Variants in TRIM33 observed in about 807,000 individuals in gnomAD.
TRIM33 encodes tripartite motif containing 33.
TRIM33 carries 20 observed loss-of-function variants against 125.4 expected under a neutral mutation model. That is an observed-to-expected ratio of 0.16 (90% confidence interval 0.11 to 0.23). The LOEUF is 0.23. TRIM33 is among the 10% of genes least tolerant of loss of function. TRIM33 has a pLI of 1.00. For missense variants in TRIM33, 920 were observed against 1,411.4 expected (o/e 0.65, Z 5.58); for synonymous variants, 564 against 513.9 (o/e 1.10, Z -1.32).
At chr1:114,401,197 C>T (rs548334456) in intron 17 of TRIM33, among the ~76,000 whole-genome samples, 192 bp downstream of exon 17, 3 of 152,142 alleles carry the variant, frequency 2.0e-5, no homozygotes, top group East Asian at 1.9e-4. Context: ...CCACCGTGCC[C>T]GGCTAGTTTT....
At chr1:114,434,865 T>C (rs1648181768) in intron 4 of TRIM33, among the ~76,000 whole-genome samples, 1 of 152,154 alleles carries the variant, frequency 6.6e-6, no homozygotes, top group African/African-American at 2.4e-5. Context: ...CATCTTATGC[T>C]AGGTACAGAG....
intron 1 of TRIM33, chr1:114,469,279 G>T: frequency 5.0e-6 from 1 of 201,928 alleles, no homozygotes; most frequent in South Asian, 1.1e-4. Context: ...TGCCAAAGCT[G>T]ACTAATTTGC....
chr1:114,451,526 T>A (rs1228406933), intron 4 of TRIM33, among the ~76,000 whole-genome samples: 1 of 152,168 alleles, frequency 6.6e-6, no homozygotes, highest in Non-Finnish European at 1.5e-5. Context: ...AGAAACCTAG[T>A]AATGTTCTCA....
chr1:114,441,241 A>G (rs892624770), intron 4 of TRIM33, among the ~76,000 whole-genome samples: 4 of 152,194 alleles, frequency 2.6e-5, no homozygotes, highest in Admixed American at 2.6e-4. Flanking sequence ...GGCTGCAGTG[A>G]GCTATGACCA....
intron 1 of TRIM33, among the ~76,000 whole-genome samples, chr1:114,488,459 T>C (rs1045699102): frequency 3.9e-5 from 6 of 152,168 alleles, no homozygotes; most frequent in African/African-American, 1.2e-4. Flanking sequence ...CACAATAATG[T>C]AAGTACATTA....
At chr1:114,432,508 C>T (rs1469690436) in intron 5 of TRIM33, among the ~76,000 whole-genome samples, 4 of 152,098 alleles carry the variant, frequency 2.6e-5, no homozygotes, top group African/African-American at 4.8e-5. Context: ...AAGTTCTGGC[C>T]GGGCACAGTG....
In TRIM33 at chr1:114,397,026, C is replaced by A. The variant is rs1651573028; in HGVS notation, c.*622G>T. On this transcript the variant is annotated 3_prime_UTR_variant, in exon 20 of 20. Coordinates refer to ENST00000358465, the MANE Select transcript of TRIM33 (RefSeq NM_015906.4). The stretch of plus-strand genomic sequence containing the variant: ...ATAACTAGTGGTAGTGTTTCCTAAA[C>A]CCTAAGTATGAGTAGAAAATAAAAC... 1 of 219,294 alleles carries A rather than the reference C, an allele frequency of 4.6e-6. No individual in the cohort carries two copies. Among genetic ancestry groups the A allele is most frequent in the Non-Finnish European group, 9.1e-6 (1 of 109,290 alleles). The allele number at this position is 219,294 out of a possible 1,614,324, so 13.6% of individuals were successfully genotyped here.
Position 114,511,110 on chromosome 1 carries a change from G to A in TRIM33, c.-34C>T. 13 of 1,132,618 alleles carry A rather than the reference G, an allele frequency of 1.1e-5. No homozygotes were observed. The highest frequency in any genetic ancestry group is 1.3e-5 in the Non-Finnish European group (12 of 928,060). The allele number at this position is 1,132,618 out of a possible 1,614,324, so 70.2% of individuals were successfully genotyped here. On this transcript the variant is annotated 5_prime_UTR_variant, in exon 1 of 20. Transcript: ENST00000358465. ...CTTTGAACCCGCCGGACCGCCCCGC[G>A]CCGCCCGCCGCCCGCGTCGCCGCCG... is the stretch of plus-strand genomic sequence containing the variant.
chr1:114,421,767 G>A lies in TRIM33; in HGVS notation c.1861-131C>T, dbSNP rs1488215424. ...AGTGGGCCCTTTCAAACTTATTCAG[G>A]AGAAGAACAGTTCAAACTCAGCCTT... On this transcript the variant is annotated intron_variant, in intron 10 of 19. Coordinates refer to ENST00000358465, the MANE Select transcript of TRIM33 (RefSeq NM_015906.4). 3.7e-6 allele frequency: 3 copies of A among 811,048 alleles called. No individual in the cohort carries two copies. In the African/African-American group the frequency reaches 5.2e-5, roughly 14 times the overall value. The allele number at this position is 811,048 out of a possible 1,614,324, so 50.2% of individuals were successfully genotyped here.
chr1:114,445,832 C>A (rs912743555), intron 4 of TRIM33, among the ~76,000 whole-genome samples: 3 of 152,064 alleles, frequency 2.0e-5, no homozygotes, highest in African/African-American at 7.2e-5. Context: ...AATTCTAGAG[C>A]AAATTATCCT....
intron 1 of TRIM33, among the ~76,000 whole-genome samples, chr1:114,500,506 A>G (rs1652645014): frequency 6.6e-6 from 1 of 152,074 alleles, no homozygotes; most frequent in Non-Finnish European, 1.5e-5. Flanking sequence ...ACACAGCTTA[A>G]TAAGTTTTTA....
At chr1:114,496,755 A>C (rs1401966560) in intron 1 of TRIM33, among the ~76,000 whole-genome samples, 2 of 152,220 alleles carry the variant, frequency 1.3e-5, no homozygotes. Context: ...TTGGCTAATG[A>C]ATGAGCCACT....
In TRIM33 at chr1:114,510,745, G is replaced by T; in HGVS notation, c.332C>A (p.Ala111Glu). Residue 111 changes from alanine (A) to glutamate (E), a missense_variant, in exon 1 of 20, where the codon GCA becomes GAA. By Grantham distance (107) the Ala-to-Glu change is moderately radical. This residue lies in a region of TRIM33 where 233 missense variants were observed against 189.6 expected (regional missense o/e 1.23). Transcript: ENST00000358465. ...GGCTGGCGGTCCAGGAGGCGGCCCT[G>T]CCGAGGGACCCGGAGCGGGAGCCGA... ...PASAPAPGPS[A>E]GPPPGPPASL... is the part of the protein sequence containing the mutation. The T allele has an allele frequency of 6.6e-7, 1 of 1,525,416 alleles. No homozygotes were observed. The highest frequency in any genetic ancestry group is 1.4e-5 in the African/African-American group (1 of 72,060). The allele number at this position is 1,525,416 out of a possible 1,614,324, so 94.5% of individuals were successfully genotyped here.
At chr1:114,508,759 A>G (rs1327658123) in intron 1 of TRIM33, among the ~76,000 whole-genome samples, 1 of 152,180 alleles carries the variant, frequency 6.6e-6, no homozygotes, top group African/African-American at 2.4e-5. Context: ...CATAGCCACT[A>G]TTAGTTACTA....
At chr1:114,497,287 T>G (rs1311388320) in intron 1 of TRIM33, among the ~76,000 whole-genome samples, 1 of 152,170 alleles carries the variant, frequency 6.6e-6, no homozygotes, top group East Asian at 1.9e-4. Flanking sequence ...TAAACACAAA[T>G]TTACACTTAA....
chr1:114,445,489 C>T (rs977412160), intron 4 of TRIM33, among the ~76,000 whole-genome samples: 5 of 152,298 alleles, frequency 3.3e-5, no homozygotes, highest in Admixed American at 3.3e-4. Flanking sequence ...GATCCTCTCA[C>T]CTCAGCATCC....
intron 1 of TRIM33, among the ~76,000 whole-genome samples, chr1:114,466,591 G>A (rs530422385): frequency 2.0e-5 from 3 of 152,244 alleles, no homozygotes; most frequent in East Asian, 1.9e-4. Context: ...TGGGGGCTGC[G>A]TGGCAATGAG....
At chr1:114,476,856 C>A (rs1470710315) in intron 1 of TRIM33, among the ~76,000 whole-genome samples, 2 of 151,908 alleles carry the variant, frequency 1.3e-5, no homozygotes, top group African/African-American at 4.8e-5. Context: ...AAAAAAAATA[C>A]AAAATCCAGA....
rs1383176605 is a variant in TRIM33 at position 114,410,231 on chromosome 1, G to A, written c.2147C>T (p.Thr716Ile). Residue 716 changes from threonine (T) to isoleucine (I), a missense_variant, in exon 12 of 20, where the codon ACC becomes ATC. Transcript: ENST00000358465. ...AGAGGGACCTGGAGAAGGATTCATG[G>A]TGCTTGTAGGCTGTGGGGGTAGGTG... is the stretch of plus-strand genomic sequence containing the variant. ...GSHLPPQPTSTMNPSPGPSAL... is the reference protein window; with the variant it reads ...GSHLPPQPTSIMNPSPGPSAL... The A allele has an allele frequency of 1.2e-6, 2 of 1,614,056 alleles. No individual in the cohort carries two copies. Among genetic ancestry groups the A allele is most frequent in the South Asian group, 1.1e-5 (1 of 91,076 alleles).
Sources: gnomAD v4.1 joint callset for allele counts (sites outside exome capture counted in the v4.1 genomes callset) on GRCh38, gnomAD v4.1.1 for gene constraint, gnomAD v4.1.1 regional missense constraint, MANE v1.5 for transcripts, NCBI Gene and HGNC (gene_info 2026-07-23, HGNC 2026-07-21) for gene names.